Variants in GRID2 observed in about 807,000 individuals in gnomAD.
GRID2 encodes the protein glutamate receptor ionotropic, delta-2.
GRID2 carries 33 observed loss-of-function variants against 114.8 expected under a neutral mutation model. The ratio of observed to expected loss-of-function variants is 0.29; its 90% CI spans 0.22 to 0.38. GRID2 has a LOEUF of 0.38. Among genes scored for constraint, GRID2 ranks in the 10% least tolerant of loss-of-function variants. The probability of loss-of-function intolerance (pLI) is 1.00; values close to 1 mark genes in which losing one functional copy is unlikely to be tolerated. For missense variants in GRID2, 1,184 were observed against 1,257.7 expected (o/e 0.94, Z 0.89); for synonymous variants, 505 against 449.9 (o/e 1.12, Z -1.55).
chr4:92,644,907 C>T (rs1731536711), intron 2 of GRID2, among the ~76,000 whole-genome samples: 1 of 151,070 alleles, frequency 6.6e-6, no homozygotes, highest in African/African-American at 2.4e-5. Context: ...AATTATTTCC[C>T]TTTATCTCTT....
At chr4:93,018,489 C>T (rs984731496) in intron 2 of GRID2, among the ~76,000 whole-genome samples, 1 of 152,014 alleles carries the variant, frequency 6.6e-6, no homozygotes, top group African/African-American at 2.4e-5. Context: ...GTTATTCATC[C>T]ATCACTGGTT....
chr4:92,675,537 CTGTT>C (rs1030128979), intron 2 of GRID2, among the ~76,000 whole-genome samples: 5 of 150,154 alleles, frequency 3.3e-5, no homozygotes, highest in African/African-American at 7.3e-5. Context: ...ACACCAGTCT[CTGTT>C]TGGGCTACAA....
chr4:93,607,072 A>C (rs1229669249), intron 13 of GRID2, among the ~76,000 whole-genome samples: 1 of 152,048 alleles, frequency 6.6e-6, no homozygotes, highest in Non-Finnish European at 1.5e-5. Context: ...AAATGTAACT[A>C]CACTTGTCTT....
chr4:92,468,004 G>T (rs1412856742), intron 1 of GRID2, among the ~76,000 whole-genome samples: 3 of 151,794 alleles, frequency 2.0e-5, no homozygotes, highest in African/African-American at 7.3e-5. Context: ...AGGAAAGCTG[G>T]ATTATCAATA....
chr4:93,088,045 T>A (rs1730473613), intron 3 of GRID2, among the ~76,000 whole-genome samples: 1 of 152,146 alleles, frequency 6.6e-6, no homozygotes, highest in African/African-American at 2.4e-5. Flanking sequence ...CCAAATGTTA[T>A]TGAAAATGTA....
chr4:93,420,211 A>C (rs1415849389), intron 9 of GRID2, among the ~76,000 whole-genome samples: 1 of 152,204 alleles, frequency 6.6e-6, no homozygotes, highest in African/African-American at 2.4e-5. Context: ...AAATCAGTAC[A>C]TGCTTCTGCT....
Position 93,290,869 on chromosome 4 carries a change from T to G in GRID2, c.1245+52379T>G, listed in dbSNP as rs866309681. 6.6e-5 allele frequency among the ~76,000 whole-genome samples: 9 copies of G among 137,086 alleles called. No individual in the cohort carries two copies. In the South Asian group the frequency reaches 1.4e-3, roughly 21 times the overall value. 89.9% of individuals were successfully genotyped at this position (137,086 alleles called of 152,430 possible). ...ATCAAAGGGTTCAAAAGCATACAAGTTACTTTTTTTTTTTTTTTTTTTTTT... is the reference window on the plus strand; with the variant it reads ...ATCAAAGGGTTCAAAAGCATACAAGGTACTTTTTTTTTTTTTTTTTTTTTT... On this transcript the variant is annotated intron_variant, in intron 8 of 15. Coordinates refer to ENST00000282020, the MANE Select transcript of GRID2 (RefSeq NM_001510.4).
At chr4:92,926,483 G>T (rs1362305048) in intron 2 of GRID2, among the ~76,000 whole-genome samples, 2 of 151,920 alleles carry the variant, frequency 1.3e-5, no homozygotes, top group Admixed American at 6.6e-5. Flanking sequence ...CATATTCTTT[G>T]ATTTTTAATG....
intron 2 of GRID2, among the ~76,000 whole-genome samples, chr4:92,799,625 A>G (rs538650809): frequency 7.2e-5 from 11 of 152,010 alleles, no homozygotes; most frequent in African/African-American, 2.7e-4. Context: ...GAAGAACACC[A>G]ATCAGATTGT....
chr4:93,409,731 TC>T (rs1766919775), intron 9 of GRID2, among the ~76,000 whole-genome samples: 2 of 152,144 alleles, frequency 1.3e-5, no homozygotes, highest in Admixed American at 1.3e-4. Flanking sequence ...ATGGAGGCAG[TC>T]TAAATTAATG....
At chr4:92,898,985 G>C (rs1484217015) in intron 2 of GRID2, among the ~76,000 whole-genome samples, 3 of 151,946 alleles carry the variant, frequency 2.0e-5, no homozygotes, top group Non-Finnish European at 4.4e-5. Context: ...CATTATAGCT[G>C]TATAGTGAAA....
At chr4:92,865,210 C>G (rs780007267) in intron 2 of GRID2, among the ~76,000 whole-genome samples, 9 of 152,148 alleles carry the variant, frequency 5.9e-5, no homozygotes, top group Non-Finnish European at 1.2e-4. Context: ...AAAACTCCTG[C>G]CTTTACTGTC....
chr4:92,375,297 G>A (rs62311007), intron 1 of GRID2, among the ~76,000 whole-genome samples: 32,422 of 152,038 alleles, frequency 0.21, 4,264 homozygotes, highest in Non-Finnish European at 0.3. Flanking sequence ...TTGCACAAAC[G>A]TTTGTACAAA....
At chr4:92,344,244 AC>A (rs1354331195) in intron 1 of GRID2, among the ~76,000 whole-genome samples, 1 of 152,166 alleles carries the variant, frequency 6.6e-6, no homozygotes, top group African/African-American at 2.4e-5. Context: ...CTTTAAGCAC[AC>A]CTATTCCCCT....
At chr4:92,877,767 C>T (rs1186457025) in intron 2 of GRID2, among the ~76,000 whole-genome samples, 2 of 152,136 alleles carry the variant, frequency 1.3e-5, no homozygotes, top group Non-Finnish European at 2.9e-5. Context: ...ATTTATGCCA[C>T]ACCTTTAGGG....
At chr4:93,599,824 C>A (rs909776793) in intron 13 of GRID2, among the ~76,000 whole-genome samples, 1 of 152,128 alleles carries the variant, frequency 6.6e-6, no homozygotes, top group Non-Finnish European at 1.5e-5. Flanking sequence ...AATAAAGTTG[C>A]AGTTTTACTG....
chr4:93,106,758 T>C (rs1017616902), intron 3 of GRID2, among the ~76,000 whole-genome samples: 4 of 152,234 alleles, frequency 2.6e-5, no homozygotes, highest in Non-Finnish European at 5.9e-5. Context: ...AAACTATTTA[T>C]GCTTAACTCC....
chr4:92,379,603 A>G (rs1729517875), intron 1 of GRID2, among the ~76,000 whole-genome samples: 1 of 152,122 alleles, frequency 6.6e-6, no homozygotes. Flanking sequence ...CTATTATTTT[A>G]CAAGAAGAAA....
chr4:93,011,122 T>A (rs1289869500), intron 2 of GRID2, among the ~76,000 whole-genome samples: 1 of 150,050 alleles, frequency 6.7e-6, no homozygotes, highest in African/African-American at 2.4e-5. Context: ...TAAGACAGGT[T>A]TTTTTTTTGT....
Sources: allele counts gnomAD v4.1 joint callset (sites outside exome capture counted in the v4.1 genomes callset), GRCh38; gene constraint gnomAD v4.1.1; transcripts MANE v1.5; gene names NCBI Gene and HGNC (gene_info 2026-07-23, HGNC 2026-07-21).